Variants in SHF observed in about 807,000 individuals in gnomAD.
SHF encodes the protein Src homology 2 domain containing F, also known as SH2 domain-containing adapter protein F.
A neutral mutation model predicts 42.4 loss-of-function variants in SHF; 30 were observed. The observed-to-expected ratio is 0.71, with a 90% CI of 0.53 to 0.96. The LOEUF is 0.96. SHF is among the 40% of genes least tolerant of loss of function. The probability of loss-of-function intolerance (pLI) is 0.00; values close to 1 mark genes in which losing one functional copy is unlikely to be tolerated. For missense variants in SHF, 598 were observed against 634.0 expected, an observed-to-expected ratio of 0.94 and a Z score of 0.61; for synonymous variants, 264 against 269.9, an observed-to-expected ratio of 0.98 and a Z score of 0.21.
At chr15:45,175,545 G>T in intron 2 of SHF, 120 bp from the exon 3 acceptor site, 1 of 980,820 alleles carries the variant, frequency 1.0e-6, no homozygotes, top group Non-Finnish European at 1.5e-6. Flanking sequence ...CTGGCTCTGG[G>T]GGGAGCTCAG....
At chr15:45,191,091 G>A (rs1288226718), upstream of SHF, among the ~76,000 whole-genome samples, 1 of 152,104 alleles carries the variant, frequency 6.6e-6, no homozygotes, top group Non-Finnish European at 1.5e-5. Flanking sequence ...TAGAGATGGG[G>A]TCTCACTCTC....
chr15:45,187,713 G>T lies in SHF; in HGVS notation c.239C>A (p.Ala80Glu). ...CGCGGGGGGCGCGGCCGGAGAGGGC[G>T]CAGGGGGGCGGTAGTCGGGCTCGGG... ...APPEPDYRPP[A>E]PSPAAPPAPP... The change falls in exon 1 of 7, where the codon GCG becomes GAG. Residue 80 changes from alanine (A) to glutamate (E), a missense_variant. This residue lies in a region of SHF where 159 missense variants were observed against 109.3 expected (regional missense o/e 1.45). Transcript: ENST00000690270. 1.8e-6 allele frequency: 2 copies of T among 1,110,094 alleles called. No homozygotes were observed. The highest frequency in any genetic ancestry group is 2.3e-6 in the Non-Finnish European group (2 of 879,264). The allele number at this position is 1,110,094 out of a possible 1,614,324, so 68.8% of individuals were successfully genotyped here.
At chr15:45,194,242 T>A (rs1898798474) in intron 2 of SHF, among the ~76,000 whole-genome samples, 1 of 152,116 alleles carries the variant, frequency 6.6e-6, no homozygotes, top group South Asian at 2.1e-4. Flanking sequence ...TTTTTTTTAA[T>A]TCAACATGAT....
At chr15:45,198,689 G>A (rs1454886386) in intron 2 of SHF, 37 of 1,506,830 alleles carry the variant, frequency 2.5e-5, no homozygotes, top group African/African-American at 1.2e-4. Flanking sequence ...AGCTACCGGG[G>A]ACCCGTAGGG....
chr15:45,176,220 T>A (rs2141363627), intron 2 of SHF, among the ~76,000 whole-genome samples: 1 of 152,208 alleles, frequency 6.6e-6, no homozygotes, highest in South Asian at 2.1e-4. Flanking sequence ...GTTACGTTCA[T>A]CATCATAAAG....
chr15:45,195,532 T>C (rs1181140924), intron 2 of SHF, among the ~76,000 whole-genome samples: 1 of 152,226 alleles, frequency 6.6e-6, no homozygotes, highest in Non-Finnish European at 1.5e-5. Context: ...CCTGGTTTTC[T>C]CTTCTCTCAG....
chr15:45,198,579 C>A (rs181519418), intron 2 of SHF: 2 of 578,304 alleles, frequency 3.5e-6, no homozygotes, highest in South Asian at 3.5e-5. Context: ...AAATACCGAG[C>A]CCCTTGCCGT....
chr15:45,197,789 C>A (rs374732965), intron 2 of SHF, among the ~76,000 whole-genome samples: 2 of 147,228 alleles, frequency 1.4e-5, no homozygotes, highest in African/African-American at 2.5e-5. Flanking sequence ...CAATACATAC[C>A]TATTACTTCA....
rs534573414 is a variant in SHF, at chr15:45,167,313, C to G, written c.*634G>C. ...TCCCCCGTCAGCCCGGGGACGGCGC[C>G]GGAGGCGCGGGCGCGGCTGTGCCCG... On this transcript the variant is annotated 3_prime_UTR_variant, in exon 7 of 7. Transcript: ENST00000690270. The G allele has an allele frequency of 6.6e-6, 1 of 152,386 alleles. No individual in the cohort carries two copies. Among genetic ancestry groups the G allele is most frequent in the Non-Finnish European group, 1.5e-5 (1 of 68,254 alleles). 9.4% of individuals were successfully genotyped at this position (152,386 alleles called of 1,614,324 possible).
At chr15:45,198,629 A>C (rs1325969480) in intron 2 of SHF, 15 of 1,041,316 alleles carry the variant, frequency 1.4e-5, no homozygotes, top group Non-Finnish European at 2.0e-5. Flanking sequence ...ATTCGAACCG[A>C]GGTTGCTGCG....
chr15:45,196,647 C>T (rs538471363), intron 2 of SHF, among the ~76,000 whole-genome samples: 5 of 151,992 alleles, frequency 3.3e-5, no homozygotes, highest in African/African-American at 9.7e-5. Flanking sequence ...CCTGTAATCC[C>T]GGCACTTTGG....
At chr15:45,176,566 C>G (rs996498876) in intron 2 of SHF, among the ~76,000 whole-genome samples, 2 of 152,040 alleles carry the variant, frequency 1.3e-5, no homozygotes, top group Non-Finnish European at 2.9e-5. Flanking sequence ...TTTTCCCTAT[C>G]CTAATTCCTT....
chr15:45,195,163 C>G (rs1056572346), intron 2 of SHF, among the ~76,000 whole-genome samples: 2 of 152,144 alleles, frequency 1.3e-5, no homozygotes, highest in Non-Finnish European at 2.9e-5. Context: ...TAATATATCA[C>G]CAAATGAACA....
At chr15:45,189,006 C>T (rs1378537991), upstream of SHF, among the ~76,000 whole-genome samples, 1 of 152,022 alleles carries the variant, frequency 6.6e-6, no homozygotes, top group African/African-American at 2.4e-5. Context: ...TCCTGGCTAA[C>T]ACGGTGAAAC....
chr15:45,187,672 G>A lies in SHF; in HGVS notation c.280C>T (p.Leu94=), dbSNP rs1898509526. The change falls in exon 1 of 7, where the codon CTG becomes TTG. Residue 94 remains leucine (L), a synonymous_variant. Transcript: ENST00000690270. ...AAPPAPPPDI[L]AAYRLQRERD... ...TCCCGCTGCAGCCTGTAGGCGGCCA[G>A]GATGTCCGGGGGCGGCGCGGGGGGC... 1.6e-6 allele frequency: 2 copies of A among 1,224,054 alleles called. No individual in the cohort carries two copies. The highest frequency in any genetic ancestry group is 3.1e-5 in the African/African-American group (2 of 64,112). 75.8% of individuals were successfully genotyped at this position (1,224,054 alleles called of 1,614,324 possible).
intron 2 of SHF, chr15:45,198,657 T>C (rs1898957870): frequency 1.4e-6 from 2 of 1,380,002 alleles, no homozygotes; most frequent in Non-Finnish European, 2.0e-6. Context: ...CGCAGAGTAC[T>C]AACCACTATA....
chr15:45,169,570 C>T (rs1450741821), intron 6 of SHF, among the ~76,000 whole-genome samples: 1 of 152,226 alleles, frequency 6.6e-6, no homozygotes, highest in Non-Finnish European at 1.5e-5. Context: ...AGGCTCAAGG[C>T]TGTGGGCAGC....
intron 1 of SHF, among the ~76,000 whole-genome samples, chr15:45,180,602 C>T (rs1440308017): frequency 6.6e-6 from 1 of 152,200 alleles, no homozygotes; most frequent in Non-Finnish European, 1.5e-5. Context: ...CAGAAAGCTG[C>T]ATGTTCTTTC....
In SHF at chr15:45,175,146, C is replaced by T. The variant is rs1280486672; in HGVS notation, c.847+73G>A. 3.4e-6 allele frequency: 5 copies of T among 1,487,716 alleles called. No homozygotes were observed. The Admixed American group carries it at 9.5e-5, about 28-fold the overall frequency. The allele number at this position is 1,487,716 out of a possible 1,614,324, so 92.2% of individuals were successfully genotyped here. ...GGCCTCTCTGGGTTCCTGGGGTCCA[C>T]TCCTTCCATTCTCTTGAGCCTGGAA... On this transcript the variant is annotated intron_variant, in intron 3 of 6. Transcript: ENST00000690270.
Sources: allele counts gnomAD v4.1 joint callset (sites outside exome capture counted in the v4.1 genomes callset), GRCh38; gene constraint gnomAD v4.1.1; regional missense constraint gnomAD v4.1.1; transcripts MANE v1.5; gene names NCBI Gene and HGNC (gene_info 2026-07-23, HGNC 2026-07-21).